Variants in KIAA1328 observed in about 807,000 individuals in gnomAD.
KIAA1328 encodes protein hinderin.
KIAA1328 carries 52 observed loss-of-function variants against 68.1 expected under a neutral mutation model. That is an observed-to-expected ratio of 0.76 (90% CI 0.61 to 0.96). The LOEUF (loss-of-function observed/expected upper bound fraction) is 0.96, where lower values mean the gene tolerates loss of function less well. KIAA1328 is among the 40% of genes least tolerant of loss of function. The probability of loss-of-function intolerance (pLI) is 0.00; values close to 1 mark genes in which losing one functional copy is unlikely to be tolerated. For synonymous variants in KIAA1328, 232 were observed against 239.4 expected, an observed-to-expected ratio of 0.97 and a Z score of 0.28; for missense variants, 641 against 677.6, an observed-to-expected ratio of 0.95 and a Z score of 0.60.
intron 5 of KIAA1328, among the ~76,000 whole-genome samples, chr18:36,913,399 G>C (rs1020394168): frequency 6.6e-6 from 1 of 150,890 alleles, no homozygotes; most frequent in Non-Finnish European, 1.5e-5. Flanking sequence ...GATTTTCTGT[G>C]TATGTTGGGG....
intron 5 of KIAA1328, among the ~76,000 whole-genome samples, chr18:36,957,864 AG>A (rs1218437443): frequency 6.6e-6 from 1 of 152,154 alleles, no homozygotes; most frequent in Non-Finnish European, 1.5e-5. Context: ...AATGGTTTTG[AG>A]TATATTCCAA....
chr18:37,027,142 C>T (rs1276042181), intron 6 of KIAA1328, among the ~76,000 whole-genome samples: 1 of 152,058 alleles, frequency 6.6e-6, no homozygotes, highest in Non-Finnish European at 1.5e-5. Flanking sequence ...AATAAAATAC[C>T]TAGGAATCCA....
chr18:36,894,095 C>T (rs1290760081), intron 5 of KIAA1328, among the ~76,000 whole-genome samples: 3 of 152,144 alleles, frequency 2.0e-5, no homozygotes, highest in East Asian at 1.9e-4. Flanking sequence ...TGAAACAGCC[C>T]ATTGCAGAGC....
chr18:37,109,809 A>G (rs1319936784), intron 7 of KIAA1328, among the ~76,000 whole-genome samples: 8 of 152,194 alleles, frequency 5.3e-5, no homozygotes, highest in East Asian at 1.9e-4. Context: ...AAGAAATAAT[A>G]TAGGTGGGAT....
chr18:36,878,328 A>G (rs1168132005), intron 4 of KIAA1328, among the ~76,000 whole-genome samples: 2 of 152,052 alleles, frequency 1.3e-5, no homozygotes, highest in African/African-American at 4.8e-5. Flanking sequence ...AAATTCTTTT[A>G]AGAGTGTTGA....
intron 6 of KIAA1328, among the ~76,000 whole-genome samples, chr18:36,992,602 A>T (rs533456316): frequency 1.4e-4 from 22 of 152,212 alleles, no homozygotes; most frequent in African/African-American, 5.1e-4. Flanking sequence ...AGTTCTGGAA[A>T]GAAGCTACTT....
chr18:36,972,387 G>GGATC (rs2052262473), intron 6 of KIAA1328, among the ~76,000 whole-genome samples: 1 of 152,024 alleles, frequency 6.6e-6, no homozygotes, highest in African/African-American at 2.4e-5. Context: ...CTTCAACAGT[G>GGATC]GATCACACTA....
chr18:37,139,253 G>A (rs1374169854), intron 7 of KIAA1328, among the ~76,000 whole-genome samples: 9 of 152,072 alleles, frequency 5.9e-5, no homozygotes, highest in Admixed American at 2.0e-4. Context: ...ATGAGCCACC[G>A]TGCCCGGCCA....
At chr18:36,989,202 A>G (rs986967882) in intron 6 of KIAA1328, among the ~76,000 whole-genome samples, 3 of 152,174 alleles carry the variant, frequency 2.0e-5, no homozygotes, top group Non-Finnish European at 2.9e-5. Context: ...TCTTGGGGCA[A>G]TCTATTCACC....
At chr18:37,008,053 C>T (rs2053844525) in intron 6 of KIAA1328, among the ~76,000 whole-genome samples, 1 of 152,148 alleles carries the variant, frequency 6.6e-6, no homozygotes, top group Admixed American at 6.5e-5. Context: ...AGTAAATGAG[C>T]TTAGCATTCC....
chr18:37,190,177 G>A (rs558454985), intron 9 of KIAA1328, among the ~76,000 whole-genome samples: 11 of 152,282 alleles, frequency 7.2e-5, no homozygotes, highest in Non-Finnish European at 1.6e-4. Context: ...TTTACTGCCA[G>A]AGCACTTGGG....
At position 37,067,119 on chromosome 18, in the gene KIAA1328, G is replaced by A; in HGVS notation, c.806G>A (p.Cys269Tyr). ...LDKIPSETTT[C>Y]NCESPGRKPA... ...AAGATACCATCAGAGACCACAACAT[G>A]TAATTGTGAATCTCCAGGGAGAAAA... The change falls in exon 7 of 10, where the codon TGT (cysteine) becomes TAT (tyrosine). Residue 269 changes from cysteine (C) to tyrosine (Y), a missense_variant. Physicochemically the swap from Cys to Tyr is radical, Grantham distance 194. Coordinates refer to ENST00000280020, the MANE Select transcript of KIAA1328 (RefSeq NM_020776.3). 6.2e-7 allele frequency: 1 copy of A among 1,614,014 alleles called. No individual in the cohort carries two copies. Among genetic ancestry groups the A allele is most frequent in the African/African-American group, 1.3e-5 (1 of 75,050 alleles).
intron 5 of KIAA1328, among the ~76,000 whole-genome samples, chr18:36,908,023 T>C (rs1345900791): frequency 1.3e-5 from 2 of 152,142 alleles, no homozygotes; most frequent in African/African-American, 4.8e-5. Context: ...TTTCAAGGAA[T>C]TTTTAAAATT....
At chr18:36,924,453 G>A (rs2050040334) in intron 5 of KIAA1328, among the ~76,000 whole-genome samples, 1 of 152,152 alleles carries the variant, frequency 6.6e-6, no homozygotes, top group Admixed American at 6.5e-5. Context: ...GAATCTGAAT[G>A]ACCCTGATTT....
intron 7 of KIAA1328, among the ~76,000 whole-genome samples, chr18:37,101,075 C>T (rs2057598036): frequency 6.6e-6 from 1 of 152,114 alleles, no homozygotes; most frequent in Non-Finnish European, 1.5e-5. Context: ...GGGGAAAAAA[C>T]AGAGCAGAAA....
At chr18:37,002,934 A>G (rs2053643653) in intron 6 of KIAA1328, among the ~76,000 whole-genome samples, 1 of 152,162 alleles carries the variant, frequency 6.6e-6, no homozygotes, top group South Asian at 2.1e-4. Flanking sequence ...ACTTTAAAAT[A>G]TATTGTAAGA....
At chr18:36,982,650 T>A (rs2052742377) in intron 6 of KIAA1328, among the ~76,000 whole-genome samples, 1 of 151,914 alleles carries the variant, frequency 6.6e-6, no homozygotes, top group Admixed American at 6.6e-5. Context: ...AAGTCTTTCA[T>A]AAAGAAGGAA....
At chr18:36,891,025 T>C (rs893452492) in intron 5 of KIAA1328, among the ~76,000 whole-genome samples, 3 of 152,110 alleles carry the variant, frequency 2.0e-5, no homozygotes, top group African/African-American at 7.2e-5. Context: ...TAAAGCAGAA[T>C]AGAAAGTTTA....
At chr18:36,960,670 C>A (rs901570598) in intron 6 of KIAA1328, among the ~76,000 whole-genome samples, 3 of 152,182 alleles carry the variant, frequency 2.0e-5, no homozygotes, top group African/African-American at 7.2e-5. Context: ...CCCAGGCAAA[C>A]AGGGTCTGGA....
Sources: gnomAD v4.1 joint callset for allele counts (sites outside exome capture counted in the v4.1 genomes callset) on GRCh38, gnomAD v4.1.1 for gene constraint, MANE v1.5 for transcripts, NCBI Gene and HGNC (gene_info 2026-07-23, HGNC 2026-07-21) for gene names.